The following ELL variants were observed in gnomAD, a reference collection of about 807,000 sequenced individuals.
ELL encodes the protein elongation factor for RNA polymerase II.
Under a neutral mutation model 64.0 loss-of-function variants are expected in ELL, and 18 were observed. That is an observed-to-expected ratio of 0.28 (90% confidence interval 0.19 to 0.42). The LOEUF is 0.42. Ranked by LOEUF, ELL falls within the 10% of genes least tolerant of loss-of-function variation. ELL has a pLI of 1.00. For missense variants in ELL, 797 were observed against 870.4 expected (o/e 0.92, Z 1.06); for synonymous variants, 399 against 376.2 (o/e 1.06, Z -0.70).
At chr19:18,497,050 C>T (rs1975669914) in intron 1 of ELL, among the ~76,000 whole-genome samples, 1 of 152,220 alleles carries the variant, frequency 6.6e-6, no homozygotes, top group Admixed American at 6.5e-5. Flanking sequence ...GGTATTTGCC[C>T]AGAGGCACTG....
intron 5 of ELL, 140 bp from the exon 6 acceptor site, chr19:18,458,469 G>T: frequency 7.5e-7 from 1 of 1,334,638 alleles, no homozygotes; most frequent in Non-Finnish European, 1.0e-6. Context: ...GAAAGAGGAT[G>T]GCCCACTACC....
chr19:18,500,479 C>A (rs562270966), intron 1 of ELL, among the ~76,000 whole-genome samples: 1 of 152,200 alleles, frequency 6.6e-6, no homozygotes, highest in South Asian at 2.1e-4. Context: ...AAATCTTACA[C>A]ACAGAATCCA....
At chr19:18,498,594 C>T (rs979310654) in intron 1 of ELL, among the ~76,000 whole-genome samples, 4 of 152,178 alleles carry the variant, frequency 2.6e-5, no homozygotes, top group Non-Finnish European at 4.4e-5. Context: ...TGAGACCCTC[C>T]CCAATGACCA....
chr19:18,455,536 G>A (rs1974650713), intron 6 of ELL, among the ~76,000 whole-genome samples: 1 of 151,670 alleles, frequency 6.6e-6, no homozygotes. Context: ...AACGCAATGG[G>A]GAAGACTCTT....
rs145508575 is a variant in ELL at position 18,519,291 on chromosome 19, T to C, written c.135+2630A>G. Among the ~76,000 whole-genome samples the C allele has an allele frequency of 7.8e-4, 118 of 151,130 alleles. 2 individuals carry two copies. In the East Asian group the frequency reaches 0.023, roughly 29 times the overall value. ...TCTCCACAAGTTGCAATTGGCAAAC[T>C]ATATAACCACAGCATCGAGGAATAC... is the stretch of plus-strand genomic sequence containing the variant. On this transcript the variant is annotated intron_variant, in intron 1 of 11. Coordinates refer to ENST00000262809, the MANE Select transcript of ELL (RefSeq NM_006532.4).
At chr19:18,447,130 G>A (rs552431798) in intron 8 of ELL, among the ~76,000 whole-genome samples, 23 of 152,370 alleles carry the variant, frequency 1.5e-4, no homozygotes, top group African/African-American at 5.3e-4. Flanking sequence ...ACAGCGGACA[G>A]GTCAGGGAAC....
chr19:18,512,990 C>G (rs958954401), intron 1 of ELL, among the ~76,000 whole-genome samples: 1 of 152,200 alleles, frequency 6.6e-6, no homozygotes, highest in Non-Finnish European at 1.5e-5. Flanking sequence ...CTGAGGCCCC[C>G]GATGGGCCTG....
At chr19:18,471,259 C>T in intron 2 of ELL, 1 of 363,658 alleles carries the variant, frequency 2.7e-6, no homozygotes, top group Non-Finnish European at 5.4e-6. Flanking sequence ...CCAGTAGTCC[C>T]AACTACTTGA....
intron 1 of ELL, among the ~76,000 whole-genome samples, chr19:18,513,487 G>A (rs1006390408): frequency 2.0e-5 from 3 of 152,218 alleles, no homozygotes; most frequent in Non-Finnish European, 4.4e-5. Context: ...ACACCCAGGC[G>A]AGACAGAGGA....
At chr19:18,497,337 A>G (rs7249020) in intron 1 of ELL, among the ~76,000 whole-genome samples, 70,169 of 152,146 alleles carry the variant, frequency 0.46, 18,644 homozygotes, top group African/African-American at 0.75. Flanking sequence ...TGGAGACAGT[A>G]AGAGCATCGG....
rs540300422 is a variant in ELL, at chr19:18,485,205, AG to A, written c.136-12324del. ...CATTCACCTCCATGGGACTATTTGG[AG>A]CCCAGCAGAAGCGGCCCATGGGCTC... On this transcript the variant is annotated intron_variant, in intron 1 of 11. Coordinates refer to ENST00000262809, the MANE Select transcript of ELL (RefSeq NM_006532.4). Among the ~76,000 whole-genome samples, 117 of 152,224 alleles carry A rather than the reference AG, an allele frequency of 7.7e-4. 1 individual carries two copies. Among genetic ancestry groups the A allele is most frequent in the Non-Finnish European group, 6.5e-4 (44 of 67,988 alleles).
intron 1 of ELL, among the ~76,000 whole-genome samples, chr19:18,478,502 C>T (rs764454689): frequency 6.6e-6 from 1 of 152,174 alleles, no homozygotes; most frequent in Non-Finnish European, 1.5e-5. Flanking sequence ...CTCAGGCCCT[C>T]GAGTGGCAAA....
intron 1 of ELL, among the ~76,000 whole-genome samples, chr19:18,500,650 C>T (rs566226544): frequency 6.6e-6 from 1 of 152,238 alleles, no homozygotes; most frequent in Non-Finnish European, 1.5e-5. Context: ...ACACTGGTGC[C>T]CTGCAACCTC....
intron 1 of ELL, among the ~76,000 whole-genome samples, chr19:18,489,727 G>C (rs1006208528): frequency 5.1e-4 from 77 of 152,154 alleles, no homozygotes; most frequent in Middle Eastern, 3.4e-3. Context: ...GATCCACCTG[G>C]CCAACACCTC....
rs146710225 is a variant in ELL, at chr19:18,446,771, C to T, written c.1509G>A (p.Thr503=). The T allele has an allele frequency of 7.3e-4, 1,174 of 1,614,038 alleles. 12 individuals carry two copies. The African/African-American group carries it at 0.012, about 16-fold the overall frequency. ...TCSVSSVPTS[T]SETPDYLLKY... ...ACAGCAAGTAGTCAGGCGTCTCCGA[C>T]GTGGACGTGGGAACACTGGAAACGC... The change falls in exon 9 of 12, where the codon ACG becomes ACA. Residue 503 remains threonine, a synonymous_variant. Coordinates refer to ENST00000262809, the MANE Select transcript of ELL (RefSeq NM_006532.4).
chr19:18,477,608 A>C (rs996326788), intron 1 of ELL, among the ~76,000 whole-genome samples: 1 of 152,182 alleles, frequency 6.6e-6, no homozygotes, highest in Non-Finnish European at 1.5e-5. Context: ...CGACACTGGG[A>C]GGGCATCTTC....
intron 1 of ELL, among the ~76,000 whole-genome samples, chr19:18,518,562 G>C (rs564094022): frequency 6.6e-6 from 1 of 151,512 alleles, no homozygotes; most frequent in African/African-American, 2.4e-5. Flanking sequence ...GGCTGAGGCA[G>C]ATGGATCACT....
chr19:18,458,908 C>T (rs989099517), intron 5 of ELL, among the ~76,000 whole-genome samples: 5 of 151,734 alleles, frequency 3.3e-5, no homozygotes, highest in African/African-American at 9.7e-5. Context: ...ATTCCAGCCA[C>T]CACACCTGGC....
chr19:18,498,636 C>G (rs1162977958), intron 1 of ELL, among the ~76,000 whole-genome samples: 1 of 152,162 alleles, frequency 6.6e-6, no homozygotes, highest in East Asian at 1.9e-4. Context: ...GACATTGCTG[C>G]CCCCGGATGG....
Sources: allele counts gnomAD v4.1 joint callset (sites outside exome capture counted in the v4.1 genomes callset), GRCh38; gene constraint gnomAD v4.1.1; transcripts MANE v1.5; gene names NCBI Gene and HGNC (gene_info 2026-07-23, HGNC 2026-07-21).